Variants in POLR3A observed in about 807,000 individuals in gnomAD.
POLR3A encodes the protein RNA polymerase III subunit A, also known as DNA-directed RNA polymerase III subunit RPC1.
A neutral mutation model predicts 152.8 loss-of-function variants in POLR3A; 112 were observed. That is an observed-to-expected ratio of 0.73 (90% confidence interval 0.63 to 0.86). POLR3A has a LOEUF of 0.86. Among genes scored for constraint, POLR3A ranks in the 40% least tolerant of loss-of-function variants. POLR3A has a pLI of 0.00. For missense variants in POLR3A, 1,385 were observed against 1,743.1 expected, an observed-to-expected ratio of 0.79 and a Z score of 3.66; for synonymous variants, 615 against 652.1, an observed-to-expected ratio of 0.94 and a Z score of 0.87.
At chr10:78,016,243 G>A (rs1044240622) in intron 10 of POLR3A, among the ~76,000 whole-genome samples, 2 of 152,110 alleles carry the variant, frequency 1.3e-5, no homozygotes, top group African/African-American at 4.8e-5. Flanking sequence ...AAGCATTTTA[G>A]TTGCTTAGTT....
intron 19 of POLR3A, among the ~76,000 whole-genome samples, chr10:77,998,865 G>A (rs1469005475): frequency 4.6e-5 from 7 of 152,078 alleles, no homozygotes; most frequent in African/African-American, 9.7e-5. Flanking sequence ...TGTTTATAGC[G>A]GCACTATTCA....
At chr10:78,003,362 T>G (rs947347837) in intron 16 of POLR3A, among the ~76,000 whole-genome samples, 4 of 152,234 alleles carry the variant, frequency 2.6e-5, no homozygotes, top group African/African-American at 9.6e-5. Context: ...TTAAAGAGCC[T>G]TTCTTCCACA....
At chr10:78,012,538 A>G (rs1416445603) in intron 11 of POLR3A, among the ~76,000 whole-genome samples, 1 of 152,158 alleles carries the variant, frequency 6.6e-6, no homozygotes, top group Non-Finnish European at 1.5e-5. Context: ...ACTTACAACT[A>G]TAAGACTTAC....
rs1847364742 is a variant in POLR3A at position 78,002,258 on chromosome 10, G to C, written c.2298C>G (p.Ala766=). ...TGCTCTTGTCCAGCTCCCGGAGGCAGGCACTGCCAGCGTGGTCACGGATCA... is the reference window on the plus strand; with the variant it reads ...TGCTCTTGTCCAGCTCCCGGAGGCACGCACTGCCAGCGTGGTCACGGATCA... The part of the protein sequence containing the change: ...LSVIRDHAGS[A]CLRELDKSNS... Residue 766 remains alanine, a synonymous_variant, in exon 17 of 31, where the codon GCC becomes GCG. Coordinates refer to ENST00000372371, the MANE Select transcript of POLR3A (RefSeq NM_007055.4). The C allele has an allele frequency of 3.1e-6, 5 of 1,605,592 alleles. No individual in the cohort carries two copies. The African/African-American group carries it at 5.3e-5, about 17-fold the overall frequency.
At chr10:77,984,381 A>G in intron 24 of POLR3A, 83 bp from the exon 25 acceptor site, 1 of 821,564 alleles carries the variant, frequency 1.2e-6, no homozygotes. Context: ...CCCAAGTGCT[A>G]TTTAGAATCA....
chr10:78,004,581 A>T (rs1589311425), intron 16 of POLR3A, 135 bp downstream of exon 16: 1 of 730,084 alleles, frequency 1.4e-6, no homozygotes, highest in East Asian at 2.7e-5. Flanking sequence ...CTGGGCCCCA[A>T]CAGGACAGAC....
Position 77,991,155 on chromosome 10 carries a change from A to G in POLR3A, c.2800T>C (p.Cys934Arg). The G allele has an allele frequency of 6.2e-7, 1 of 1,606,798 alleles. No homozygotes were observed. The highest frequency in any genetic ancestry group is 8.5e-7 in the Non-Finnish European group (1 of 1,173,256). ...VLDNIKAVFP[C>R]PSEPALSKNE... ...TTGCTGAGAGCAGGCTCACTGGGAC[A>G]CGGGAAGACTGCCTTGAGTATTAAA... Residue 934 changes from cysteine to arginine, a missense_variant, in exon 21 of 31, where the codon TGT becomes CGT. Around this residue, in one of 7 missense-constraint regions of POLR3A, gnomAD observed 178 missense variants for 204.6 expected, o/e 0.87. Transcript: ENST00000372371.
At chr10:77,978,720 GTGCAATCTCGGCTCAC>G (rs1341670053) in intron 30 of POLR3A, among the ~76,000 whole-genome samples, 2 of 150,948 alleles carry the variant, frequency 1.3e-5, no homozygotes, top group Non-Finnish European at 2.9e-5. Context: ...GAGTGCAGTG[GTGCAATCTCGGCTCAC>G]TGCAACCTCT....
chr10:78,009,839 A>G, intron 13 of POLR3A, 25 bp downstream of exon 13: 2 of 1,613,460 alleles, frequency 1.2e-6, no homozygotes, highest in Non-Finnish European at 1.7e-6. Context: ...ACACCTGTGC[A>G]CCAACACACA....
intron 23 of POLR3A, 56 bp from the exon 24 acceptor site, chr10:77,985,396 A>C: frequency 7.3e-7 from 1 of 1,377,896 alleles, no homozygotes; most frequent in Non-Finnish European, 1.0e-6. Flanking sequence ...GTCCAGCAAA[A>C]CTGCTGGGGA....
intron 16 of POLR3A, among the ~76,000 whole-genome samples, chr10:78,002,675 GT>G (rs1847368994): frequency 1.3e-5 from 2 of 152,086 alleles, no homozygotes; most frequent in South Asian, 4.2e-4. Context: ...AGGACTACAG[GT>G]ATATGTCCCT....
chr10:78,010,494 G>T lies in POLR3A; in HGVS notation c.1619C>A (p.Ala540Asp). Residue 540 changes from alanine to aspartate, a missense_variant, in exon 12 of 31, where the codon GCT (alanine) becomes GAT (aspartate). By Grantham distance (126) the Ala-to-Asp change is moderately radical (BLOSUM62 -2). Around this residue, in one of 7 missense-constraint regions of POLR3A, gnomAD observed 188 missense variants for 179.9 expected, o/e 1.04. Transcript: ENST00000372371. ...VTPRNGEPLI[A>D]AIQDFLTGAY... ...ACCTGTTAGAAAATCCTGAATAGCA[G>T]CAATCAGCGGTTCCCCATTCCTCGG... The T allele has an allele frequency of 6.2e-7, 1 of 1,613,916 alleles. No homozygotes were observed.
At chr10:77,998,460 A>G (rs1470545081) in intron 19 of POLR3A, among the ~76,000 whole-genome samples, 1 of 152,242 alleles carries the variant, frequency 6.6e-6, no homozygotes, top group Non-Finnish European at 1.5e-5. Flanking sequence ...TTTACAAGAA[A>G]AAAACAAACC....
At chr10:78,011,349 C>T (rs979831687) in intron 11 of POLR3A, among the ~76,000 whole-genome samples, 5 of 151,702 alleles carry the variant, frequency 3.3e-5, no homozygotes, top group South Asian at 2.1e-4. Context: ...TGAGGGCCTA[C>T]GTTGGGCAAA....
chr10:77,987,103 GGTTAACATCC>G (rs1181443766), intron 21 of POLR3A, among the ~76,000 whole-genome samples: 2 of 152,150 alleles, frequency 1.3e-5, no homozygotes, highest in Non-Finnish European at 2.9e-5. Flanking sequence ...ACAGAGGAGC[GGTTAACATCC>G]TGCTCACAGT....
intron 26 of POLR3A, 62 bp from the exon 27 acceptor site, chr10:77,982,879 T>C (rs1847161809): frequency 6.5e-7 from 1 of 1,529,492 alleles, no homozygotes; most frequent in Non-Finnish European, 9.1e-7. Flanking sequence ...TATTTCATTG[T>C]TGCCCCTCTA....
At position 77,976,188 on chromosome 10, in the gene POLR3A, G is replaced by A. The variant is rs2131922104; in HGVS notation, c.*1290C>T. 1 of 149,376 alleles carries A rather than the reference G, an allele frequency of 6.7e-6. No homozygotes were observed. The highest frequency in any genetic ancestry group is 2.0e-4 in the East Asian group (1 of 5,034). 9.3% of individuals were successfully genotyped at this position (149,376 alleles called of 1,614,324 possible). A position where few individuals can be genotyped will look rare whatever the true frequency, so the allele number is the denominator to read the frequency against. ...TTTGTTGCCCAGGCTGGAGTGTAGT[G>A]GCACGATCTTGGCTCACTACAACCT... is the stretch of plus-strand genomic sequence containing the variant. On this transcript the variant is annotated 3_prime_UTR_variant, in exon 31 of 31. Transcript: ENST00000372371.
chr10:78,023,075 T>C (rs959789422), intron 5 of POLR3A, among the ~76,000 whole-genome samples: 1 of 151,784 alleles, frequency 6.6e-6, no homozygotes, highest in African/African-American at 2.4e-5. Flanking sequence ...GGAGAATCAC[T>C]TGAACCTGGG....
Position 77,975,169 on chromosome 10 carries a change from T to A in POLR3A, c.*2309A>T, listed in dbSNP as rs2131921227. ...ATGGATGAGATGGAATTCACACGTA[T>A]TTTTATTTCTTCCAAGCAGGTACAG... On this transcript the variant is annotated 3_prime_UTR_variant, in exon 31 of 31. Coordinates refer to ENST00000372371, the MANE Select transcript of POLR3A (RefSeq NM_007055.4). 6.6e-6 allele frequency: 1 copy of A among 152,314 alleles called. No individual in the cohort carries two copies. The highest frequency in any genetic ancestry group is 1.5e-5 in the Non-Finnish European group (1 of 68,028). 9.4% of individuals were successfully genotyped at this position (152,314 alleles called of 1,614,324 possible). A position where few individuals can be genotyped will look rare whatever the true frequency, so the allele number is the denominator to read the frequency against.
Sources: gnomAD v4.1 joint callset for allele counts (sites outside exome capture counted in the v4.1 genomes callset) on GRCh38, gnomAD v4.1.1 for gene constraint, gnomAD v4.1.1 regional missense constraint, MANE v1.5 for transcripts, NCBI Gene and HGNC (gene_info 2026-07-23, HGNC 2026-07-21) for gene names.